The following APP variants were observed in gnomAD, a reference collection of about 807,000 sequenced individuals.
The protein encoded by APP is amyloid-beta precursor protein.
Under a neutral mutation model 101.4 loss-of-function variants are expected in APP, and 31 were observed. That is an observed-to-expected ratio of 0.31 (90% CI 0.23 to 0.41). APP has a LOEUF of 0.41. Ranked by LOEUF, APP falls within the 10% of genes least tolerant of loss-of-function variation. APP has a pLI of 1.00. For missense variants in APP, 839 were observed against 1,003.7 expected, an observed-to-expected ratio of 0.84 and a Z score of 2.22; for synonymous variants, 366 against 364.4, an observed-to-expected ratio of 1.00 and a Z score of -0.05.
At chr21:25,936,827 G>A (rs2040384522) in intron 13 of APP, among the ~76,000 whole-genome samples, 1 of 152,174 alleles carries the variant, frequency 6.6e-6, no homozygotes, top group Non-Finnish European at 1.5e-5. Context: ...AAGAGCACAG[G>A]TCAGAATAGC....
intron 15 of APP, among the ~76,000 whole-genome samples, chr21:25,903,047 GTTAGAT>G (rs1201238579): frequency 6.6e-6 from 1 of 150,970 alleles, no homozygotes; most frequent in Non-Finnish European, 1.5e-5. Context: ...TGTCCTTTTT[GTTAGAT>G]TTAGATTAAA....
intron 3 of APP, among the ~76,000 whole-genome samples, chr21:26,063,911 G>A (rs990177273): frequency 6.6e-6 from 1 of 152,156 alleles, no homozygotes; most frequent in Non-Finnish European, 1.5e-5. Flanking sequence ...AGGTGATCAA[G>A]GTCAATGCCA....
chr21:26,001,019 T>C (rs1439286093), intron 6 of APP, among the ~76,000 whole-genome samples: 1 of 152,112 alleles, frequency 6.6e-6, no homozygotes, highest in Non-Finnish European at 1.5e-5. Context: ...ATGTATTATT[T>C]AATTATGCTA....
chr21:25,939,167 G>A (rs1323258439), intron 13 of APP, among the ~76,000 whole-genome samples: 1 of 152,164 alleles, frequency 6.6e-6, no homozygotes, highest in Admixed American at 6.6e-5. Context: ...AAAACCAGGA[G>A]GGTTTAATTC....
chr21:26,136,310 C>G (rs1471671076), intron 1 of APP, among the ~76,000 whole-genome samples: 2 of 152,050 alleles, frequency 1.3e-5, no homozygotes, highest in South Asian at 4.2e-4. Flanking sequence ...CAGGCACGCA[C>G]ACGATGGACA....
intron 14 of APP, among the ~76,000 whole-genome samples, chr21:25,911,041 T>C (rs985517546): frequency 4.6e-5 from 7 of 152,240 alleles, no homozygotes; most frequent in East Asian, 3.8e-4. Context: ...AAGTTGAATT[T>C]TGTGCTTCCA....
At chr21:25,955,530 T>C (rs1225001151) in intron 12 of APP, 97 bp downstream of exon 12, 6 of 1,568,614 alleles carry the variant, frequency 3.8e-6, no homozygotes, top group South Asian at 2.2e-5. Flanking sequence ...AAAACACCTA[T>C]AGGTGCTCGG....
rs550672423 is a variant in APP, at chr21:25,892,141, C to T, written c.2065-273G>A. Among the ~76,000 whole-genome samples the T allele has an allele frequency of 3.4e-4, 27 of 78,966 alleles. No homozygotes were observed. The South Asian group carries it at 5.5e-3, about 16-fold the overall frequency. 51.8% of individuals were successfully genotyped at this position (78,966 alleles called of 152,430 possible). A position where few individuals can be genotyped will look rare whatever the true frequency, so the allele number is the denominator to read the frequency against. On this transcript the variant is annotated intron_variant, in intron 16 of 17. Transcript: ENST00000346798. Reference sequence around the variant, plus strand: ...TGTACAACATGTGGCTTCCCCAGTTCGAGGAAGTCTACTTTCCCCACAGGT... The same window carrying T: ...TGTACAACATGTGGCTTCCCCAGTTTGAGGAAGTCTACTTTCCCCACAGGT...
chr21:25,935,699 G>A (rs1238372753), intron 13 of APP, among the ~76,000 whole-genome samples: 1 of 151,914 alleles, frequency 6.6e-6, no homozygotes, highest in Non-Finnish European at 1.5e-5. Context: ...AATTAGCTGG[G>A]TGTGGTGGTG....
At chr21:26,010,701 A>G (rs2043756269) in intron 6 of APP, among the ~76,000 whole-genome samples, 1 of 151,458 alleles carries the variant, frequency 6.6e-6, no homozygotes, top group African/African-American at 2.4e-5. Context: ...GGTGCCTGTA[A>G]TCCCAGCTAC....
chr21:25,955,501 A>G, intron 12 of APP, 126 bp downstream of exon 12: 1 of 1,367,868 alleles, frequency 7.3e-7, no homozygotes, highest in Non-Finnish European at 1.0e-6. Flanking sequence ...CCAGAAGTTA[A>G]AGAGCTCTTG....
At chr21:25,977,909 C>A (rs1470963251) in intron 9 of APP, among the ~76,000 whole-genome samples, 3 of 152,212 alleles carry the variant, frequency 2.0e-5, no homozygotes, top group Non-Finnish European at 4.4e-5. Flanking sequence ...ATAAATATTT[C>A]AATTTCCTGC....
At chr21:25,890,722 C>CCAAAAA (rs370811580) in intron 17 of APP, among the ~76,000 whole-genome samples, 7 of 114,728 alleles carry the variant, frequency 6.1e-5, no homozygotes, top group African/African-American at 2.4e-4. Flanking sequence ...GAGACTGTCT[C>CCAAAAA]AAAAAAAAAA....
intron 13 of APP, among the ~76,000 whole-genome samples, chr21:25,954,140 T>C (rs1213794002): frequency 1.3e-5 from 2 of 152,224 alleles, no homozygotes; most frequent in African/African-American, 2.4e-5. Flanking sequence ...GTGCTACTTA[T>C]AATGCATGTG....
At chr21:26,065,003 G>A (rs1380064671) in intron 3 of APP, among the ~76,000 whole-genome samples, 2 of 152,144 alleles carry the variant, frequency 1.3e-5, no homozygotes, top group Middle Eastern at 3.2e-3. Context: ...ACAGGCCTGC[G>A]CCACCACGCC....
intron 17 of APP, among the ~76,000 whole-genome samples, chr21:25,889,982 A>G (rs762753538): frequency 1.5e-4 from 23 of 152,210 alleles, no homozygotes; most frequent in Non-Finnish European, 2.5e-4. Context: ...ATGGAATTAA[A>G]TTTTTTTAAA....
intron 1 of APP, among the ~76,000 whole-genome samples, chr21:26,117,046 G>T (rs1316231390): frequency 6.6e-6 from 1 of 152,132 alleles, no homozygotes; most frequent in Non-Finnish European, 1.5e-5. Flanking sequence ...ACCACGCCCA[G>T]ATAATTTTTG....
At chr21:26,032,796 A>G (rs1188781315) in intron 5 of APP, among the ~76,000 whole-genome samples, 1 of 19,500 alleles carries the variant, frequency 5.1e-5, no homozygotes, top group Admixed American at 9.7e-4. Flanking sequence ...TTATTTTAGA[A>G]AAAAAAAAAA....
At chr21:25,981,692 AC>A (rs1408949800) in intron 9 of APP, among the ~76,000 whole-genome samples, 1 of 150,988 alleles carries the variant, frequency 6.6e-6, no homozygotes, top group African/African-American at 2.4e-5. Flanking sequence ...CTAAAAAAAA[AC>A]AAACCAAACC....
Sources: allele counts gnomAD v4.1 joint callset (sites outside exome capture counted in the v4.1 genomes callset), GRCh38; gene constraint gnomAD v4.1.1; transcripts MANE v1.5; gene names NCBI Gene and HGNC (gene_info 2026-07-23, HGNC 2026-07-21).